STK17A: variants seen among roughly 807,000 people sequenced by gnomAD.
STK17A encodes the protein serine/threonine kinase 17a, also known as serine/threonine-protein kinase 17A.
A neutral mutation model predicts 43.7 loss-of-function variants in STK17A; 26 were observed. The observed-to-expected ratio is 0.60, with a 90% CI of 0.44 to 0.83. STK17A has a LOEUF of 0.83. Among genes scored for constraint, STK17A ranks in the 40% least tolerant of loss-of-function variants. The pLI is 0.00. For missense variants in STK17A, 476 were observed against 511.6 expected, an observed-to-expected ratio of 0.93 and a Z score of 0.67; for synonymous variants, 191 against 182.5, an observed-to-expected ratio of 1.05 and a Z score of -0.38.
In STK17A at chr7:43,625,553, C is replaced by T. The variant is rs930850659; in HGVS notation, c.*711C>T. 6.6e-6 allele frequency: 1 copy of T among 152,242 alleles called. No homozygotes were observed. Among genetic ancestry groups the T allele is most frequent in the African/African-American group, 2.4e-5 (1 of 41,424 alleles). The allele number at this position is 152,242 out of a possible 1,614,324, so 9.4% of individuals were successfully genotyped here. On this transcript the variant is annotated 3_prime_UTR_variant, in exon 7 of 7. Transcript: ENST00000319357. ...GTGTCAGCTCTTGAGCTGCTTCCCT[C>T]ATCACACCACACTCACATGCATCTG...
rs1236087943 is a variant in STK17A, at chr7:43,627,375, G to A, written c.*2533G>A. On this transcript the variant is annotated 3_prime_UTR_variant, in exon 7 of 7. Transcript: ENST00000319357. The stretch of plus-strand genomic sequence containing the variant: ...GAAAAATGTATTAAAGGGTTATAAA[G>A]ATCACTTAGAGAATGTGAGACAGAA... Among the ~76,000 whole-genome samples the A allele has an allele frequency of 6.6e-6, 1 of 152,152 alleles. No individual in the cohort carries two copies. The highest frequency in any genetic ancestry group is 2.4e-5 in the African/African-American group (1 of 41,438).
At chr7:43,616,307 C>CTG (rs988108708) in intron 3 of STK17A, among the ~76,000 whole-genome samples, 3 of 152,160 alleles carry the variant, frequency 2.0e-5, no homozygotes, top group Non-Finnish European at 4.4e-5. Context: ...ATTATAAACT[C>CTG]TGACAGTAGG....
chr7:43,612,664 T>C (rs1451540620), intron 3 of STK17A, among the ~76,000 whole-genome samples: 4 of 152,236 alleles, frequency 2.6e-5, no homozygotes, highest in Non-Finnish European at 5.9e-5. Context: ...ACAACTGTTA[T>C]AGTTGCTTCT....
intron 1 of STK17A, among the ~76,000 whole-genome samples, chr7:43,584,663 T>A (rs561028152): frequency 2.0e-5 from 3 of 152,098 alleles, no homozygotes; most frequent in African/African-American, 7.2e-5. Flanking sequence ...TTGGAAATAG[T>A]TTTTTTTGGG....
chr7:43,608,373 T>A lies in STK17A; in HGVS notation c.537T>A (p.Thr179=). The A allele has an allele frequency of 6.2e-7, 1 of 1,609,926 alleles. No individual in the cohort carries two copies. Among genetic ancestry groups the A allele is most frequent in the Non-Finnish European group, 8.5e-7 (1 of 1,179,120 alleles). Residue 179 remains threonine (T), a synonymous_variant, in exon 3 of 7, where the codon ACT becomes ACA. Transcript: ENST00000319357. ...QILEGVHFLH[T]RDVVHLDLKP... is the part of the protein sequence containing the mutation. Reference sequence around the variant, plus strand: ...TAGAAGGTGTTCACTTTTTACACACTCGTGATGTAGTTCATCTTGATTTGA... The same window carrying A: ...TAGAAGGTGTTCACTTTTTACACACACGTGATGTAGTTCATCTTGATTTGA...
At chr7:43,589,773 C>G (rs1348583814) in intron 1 of STK17A, among the ~76,000 whole-genome samples, 4 of 151,056 alleles carry the variant, frequency 2.6e-5, no homozygotes, top group Non-Finnish European at 5.9e-5. Context: ...CTTCCCAGTC[C>G]CTACGCTGGT....
At position 43,626,902 on chromosome 7, in the gene STK17A, CCTTCAGAATATA is replaced by C. The variant is rs1455853545; in HGVS notation, c.*2064_*2075del. The stretch of plus-strand genomic sequence containing the variant: ...GTCATAGGGTGCTTTTTTAAGAGGC[CCTTCAGAATATA>C]CTTGTAAAGGTGTATTGGCATTTTT... On this transcript the variant is annotated 3_prime_UTR_variant, in exon 7 of 7. Transcript: ENST00000319357. 1.3e-5 allele frequency: 2 copies of C among 151,900 alleles called. No individual in the cohort carries two copies. Among genetic ancestry groups the C allele is most frequent in the Admixed American group, 1.3e-4 (2 of 15,240 alleles). The allele number at this position is 151,900 out of a possible 1,614,324, so 9.4% of individuals were successfully genotyped here.
chr7:43,601,821 A>T (rs1247363718), intron 2 of STK17A, among the ~76,000 whole-genome samples: 1 of 152,076 alleles, frequency 6.6e-6, no homozygotes, highest in Non-Finnish European at 1.5e-5. Context: ...TCATCTACTT[A>T]GTACAAGTGT....
At chr7:43,612,559 T>G (rs2082970725) in intron 3 of STK17A, among the ~76,000 whole-genome samples, 1 of 152,222 alleles carries the variant, frequency 6.6e-6, no homozygotes, top group Non-Finnish European at 1.5e-5. Context: ...AATCCCAATA[T>G]GTATGGTAAT....
chr7:43,600,482 AAATG>A (rs2082547626), intron 2 of STK17A, among the ~76,000 whole-genome samples: 1 of 152,246 alleles, frequency 6.6e-6, no homozygotes, highest in African/African-American at 2.4e-5. Flanking sequence ...GGTTTAAAAA[AAATG>A]AACAAGTGAT....
intron 3 of STK17A, among the ~76,000 whole-genome samples, chr7:43,610,823 A>AAGG (rs1415531578): frequency 6.6e-6 from 1 of 151,026 alleles, no homozygotes; most frequent in Non-Finnish European, 1.5e-5. Flanking sequence ...CACTCTCAAG[A>AAGG]AGGAGTGTAC....
At chr7:43,615,650 C>CAA (rs1306497458) in intron 3 of STK17A, among the ~76,000 whole-genome samples, 1 of 152,144 alleles carries the variant, frequency 6.6e-6, no homozygotes, top group Non-Finnish European at 1.5e-5. Flanking sequence ...GAATAGCCTA[C>CAA]AAAGCCCTGT....
rs1239574949 is a variant in STK17A at position 43,595,937 on chromosome 7, A to T, written c.243A>T (p.Lys81Asn). 1.2e-6 allele frequency: 2 copies of T among 1,613,914 alleles called. No individual in the cohort carries two copies. Among genetic ancestry groups the T allele is most frequent in the Non-Finnish European group, 8.5e-7 (1 of 1,179,924 alleles). The change falls in exon 2 of 7, where the codon AAA (lysine) becomes AAT (asparagine). Residue 81 changes from lysine to asparagine, a missense_variant. Lys to Asn is a moderately conservative substitution (Grantham distance 94). Around this residue, in one of 3 missense-constraint regions of STK17A, gnomAD observed 320 missense variants for 326.3 expected, o/e 0.98. Coordinates refer to ENST00000319357, the MANE Select transcript of STK17A (RefSeq NM_004760.3). ...KFAVVRKCIK[K>N]DSGKEFAAKF... Reference sequence around the variant, plus strand: ...CAGTGGTGAGAAAATGTATAAAGAAAGATTCTGGGAAAGAATTTGCTGCAA... The same window carrying T: ...CAGTGGTGAGAAAATGTATAAAGAATGATTCTGGGAAAGAATTTGCTGCAA...
At chr7:43,612,558 A>G (rs941483970) in intron 3 of STK17A, among the ~76,000 whole-genome samples, 1 of 152,216 alleles carries the variant, frequency 6.6e-6, no homozygotes, top group African/African-American at 2.4e-5. Context: ...TAATCCCAAT[A>G]TGTATGGTAA....
At chr7:43,612,360 C>T (rs1234555484) in intron 3 of STK17A, among the ~76,000 whole-genome samples, 2 of 152,196 alleles carry the variant, frequency 1.3e-5, no homozygotes, top group Non-Finnish European at 2.9e-5. Flanking sequence ...ACTAAAAGGT[C>T]ATTTCCAATT....
chr7:43,598,758 T>C (rs2082536935), intron 2 of STK17A, among the ~76,000 whole-genome samples: 1 of 151,918 alleles, frequency 6.6e-6, no homozygotes, highest in Non-Finnish European at 1.5e-5. Context: ...GTTGTTCTTT[T>C]TTGGTTTTTG....
chr7:43,606,783 TTAGTTAATGAGTAAAA>T (rs1241738562), intron 2 of STK17A, among the ~76,000 whole-genome samples: 1 of 152,090 alleles, frequency 6.6e-6, no homozygotes, highest in Non-Finnish European at 1.5e-5. Context: ...GGCATTTAGT[TTAGTTAATGAGTAAAA>T]TCCACAGTTA....
intron 1 of STK17A, among the ~76,000 whole-genome samples, chr7:43,592,729 G>A (rs2082488267): frequency 6.6e-6 from 1 of 151,396 alleles, no homozygotes; most frequent in African/African-American, 2.4e-5. Context: ...AGCTGGGCAT[G>A]ATGGTATGTG....
intron 3 of STK17A, among the ~76,000 whole-genome samples, chr7:43,614,345 T>C (rs964522561): frequency 6.6e-6 from 1 of 152,228 alleles, no homozygotes; most frequent in African/African-American, 2.4e-5. Flanking sequence ...TCTCCCTTAC[T>C]ACCTGGGATT....
Sources: allele counts gnomAD v4.1 joint callset (sites outside exome capture counted in the v4.1 genomes callset), GRCh38; gene constraint gnomAD v4.1.1; regional missense constraint gnomAD v4.1.1; transcripts MANE v1.5; gene names NCBI Gene and HGNC (gene_info 2026-07-23, HGNC 2026-07-21).